KCNIP4: variants seen among roughly 807,000 people sequenced by gnomAD.
KCNIP4 encodes Kv channel-interacting protein 4.
In KCNIP4, 12 loss-of-function variants were observed where a neutral mutation model predicts 34.0. The ratio of observed to expected loss-of-function variants is 0.35; its 90% CI spans 0.23 to 0.57. KCNIP4 has a LOEUF of 0.57. Ranked by LOEUF, KCNIP4 falls within the 20% of genes least tolerant of loss-of-function variation. KCNIP4 has a pLI of 0.83. For synonymous variants in KCNIP4, 124 were observed against 102.2 expected, an observed-to-expected ratio of 1.21 and a Z score of -1.29; for missense variants, 238 against 311.7, an observed-to-expected ratio of 0.76 and a Z score of 1.78.
At chr4:21,431,873 A>G (rs1023863850) in intron 1 of KCNIP4, among the ~76,000 whole-genome samples, 2 of 151,322 alleles carry the variant, frequency 1.3e-5, no homozygotes, top group South Asian at 4.2e-4. Context: ...GTGACTAATG[A>G]TCTTAATCAC....
intron 1 of KCNIP4, among the ~76,000 whole-genome samples, chr4:21,100,241 T>C (rs868708270): frequency 1.3e-5 from 2 of 152,126 alleles, no homozygotes; most frequent in Non-Finnish European, 2.9e-5. Flanking sequence ...CAAATTTCAC[T>C]GTGGTTTTAA....
intron 3 of KCNIP4, among the ~76,000 whole-genome samples, chr4:20,827,304 A>T (rs1222862666): frequency 6.6e-6 from 1 of 152,156 alleles, no homozygotes; most frequent in Middle Eastern, 3.2e-3. Flanking sequence ...CAGCTCTAAG[A>T]GCAAGGCATG....
chr4:21,694,277 T>A (rs998936436), intron 1 of KCNIP4, among the ~76,000 whole-genome samples: 6 of 152,150 alleles, frequency 3.9e-5, no homozygotes, highest in African/African-American at 1.4e-4. Flanking sequence ...TTGGGTAGCA[T>A]GAGCCCCATC....
Position 21,417,032 on chromosome 4 carries a change from G to A in KCNIP4, c.61+531539C>T, listed in dbSNP as rs16871044. ...TGCTGTTTCAAAGTGTTTGCCTTCC[G>A]TGTTTTGTAAGGAAATGATGGCAGC... On this transcript the variant is annotated intron_variant, in intron 1 of 8. Coordinates refer to ENST00000382152, the MANE Select transcript of KCNIP4 (RefSeq NM_025221.6). 0.016 allele frequency among the ~76,000 whole-genome samples: 2,443 copies of A among 152,230 alleles called. 126 individuals are homozygous for A. The East Asian group carries it at 0.17, about 10-fold the overall frequency.
At chr4:21,087,146 A>AGGTGTG (rs1553935809) in intron 1 of KCNIP4, among the ~76,000 whole-genome samples, 5 of 110,924 alleles carry the variant, frequency 4.5e-5, no homozygotes, top group African/African-American at 1.9e-4. Context: ...CTGCTGGGTA[A>AGGTGTG]TGTGTGTGTG....
At chr4:21,249,781 G>T (rs891313491) in intron 1 of KCNIP4, among the ~76,000 whole-genome samples, 2 of 151,964 alleles carry the variant, frequency 1.3e-5, no homozygotes, top group African/African-American at 2.4e-5. Flanking sequence ...TGCTCCAAAA[G>T]GTAACAATGT....
intron 2 of KCNIP4, among the ~76,000 whole-genome samples, chr4:20,862,498 G>A (rs1287906583): frequency 6.6e-6 from 1 of 152,158 alleles, no homozygotes; most frequent in Non-Finnish European, 1.5e-5. Context: ...CAAAAGCTGA[G>A]AGGGATTATG....
intron 1 of KCNIP4, among the ~76,000 whole-genome samples, chr4:21,192,464 C>T (rs1286773429): frequency 6.6e-6 from 1 of 152,006 alleles, no homozygotes; most frequent in African/African-American, 2.4e-5. Context: ...ACTATAATAT[C>T]AAAAGAGAAA....
chr4:21,465,127 C>T (rs900213889), intron 1 of KCNIP4, among the ~76,000 whole-genome samples: 1 of 152,092 alleles, frequency 6.6e-6, no homozygotes, highest in Non-Finnish European at 1.5e-5. Flanking sequence ...AACATTACTG[C>T]TTTCTGCTAT....
At chr4:21,350,915 A>G (rs1283409374) in intron 1 of KCNIP4, among the ~76,000 whole-genome samples, 1 of 152,208 alleles carries the variant, frequency 6.6e-6, no homozygotes, top group Non-Finnish European at 1.5e-5. Context: ...AGAAACTGTT[A>G]TATCTTATAA....
chr4:21,763,285 A>G (rs2109173748), intron 1 of KCNIP4, among the ~76,000 whole-genome samples: 1 of 152,316 alleles, frequency 6.6e-6, no homozygotes, highest in South Asian at 2.1e-4. Flanking sequence ...GGTGCTTATT[A>G]CACACAAGGT....
intron 1 of KCNIP4, among the ~76,000 whole-genome samples, chr4:21,130,460 A>C (rs185737812): frequency 1.3e-5 from 2 of 152,278 alleles, no homozygotes; most frequent in African/African-American, 4.8e-5. Flanking sequence ...ATCATTGCAT[A>C]ATGTTGGTCT....
intron 1 of KCNIP4, among the ~76,000 whole-genome samples, chr4:21,519,530 G>A (rs147852955): frequency 0.028 from 1,078 of 38,132 alleles, 229 homozygotes; most frequent in East Asian, 0.07. Context: ...ATGTGTGTAT[G>A]TGTATGTGTA....
At chr4:21,759,276 A>G (rs748079996) in intron 1 of KCNIP4, among the ~76,000 whole-genome samples, 1 of 152,174 alleles carries the variant, frequency 6.6e-6, no homozygotes, top group Non-Finnish European at 1.5e-5. Flanking sequence ...GCTTTGTATA[A>G]TTTTGCCCAT....
At chr4:21,901,206 G>A (rs1180038561) in intron 1 of KCNIP4, among the ~76,000 whole-genome samples, 1 of 152,186 alleles carries the variant, frequency 6.6e-6, no homozygotes, top group Non-Finnish European at 1.5e-5. Flanking sequence ...GAAGTGCAAA[G>A]TGAGGGGGTG....
At chr4:21,323,945 C>CTAA (rs1714766799) in intron 1 of KCNIP4, among the ~76,000 whole-genome samples, 2 of 151,980 alleles carry the variant, frequency 1.3e-5, no homozygotes, top group African/African-American at 4.8e-5. Flanking sequence ...ACCATTTTAA[C>CTAA]TGGGGTGAGA....
At chr4:21,552,032 T>A (rs1367814662) in intron 1 of KCNIP4, among the ~76,000 whole-genome samples, 3 of 102,118 alleles carry the variant, frequency 2.9e-5, no homozygotes, top group African/African-American at 1.0e-4. Flanking sequence ...AAGGGAGAGC[T>A]TTTTTTAAAA....
intron 1 of KCNIP4, among the ~76,000 whole-genome samples, chr4:21,806,693 T>A (rs7438924): frequency 1.6e-4 from 24 of 152,242 alleles, no homozygotes; most frequent in Non-Finnish European, 2.5e-4. Flanking sequence ...ATTATTTTTT[T>A]AAAAAAACAA....
intron 1 of KCNIP4, among the ~76,000 whole-genome samples, chr4:21,508,437 T>C (rs1024511826): frequency 2.6e-5 from 4 of 152,276 alleles, no homozygotes; most frequent in South Asian, 2.1e-4. Context: ...ATCAGAAATG[T>C]CCCCTCTTCC....
Sources: allele counts gnomAD v4.1 joint callset (sites outside exome capture counted in the v4.1 genomes callset), GRCh38; gene constraint gnomAD v4.1.1; transcripts MANE v1.5; gene names NCBI Gene and HGNC (gene_info 2026-07-23, HGNC 2026-07-21).